Variants in NRXN3 observed in about 807,000 individuals in gnomAD.
The protein encoded by NRXN3 is neurexin III.
NRXN3 carries 32 observed loss-of-function variants against 137.6 expected under a neutral mutation model. That is an observed-to-expected ratio of 0.23 (90% CI 0.18 to 0.31). The LOEUF is 0.31. NRXN3 is among the 10% of genes least tolerant of loss of function. The probability of loss-of-function intolerance (pLI) is 1.00; values close to 1 mark genes in which losing one functional copy is unlikely to be tolerated. For synonymous variants in NRXN3, 798 were observed against 784.5 expected (o/e 1.02, Z -0.29); for missense variants, 1,574 against 2,062.5 (o/e 0.76, Z 4.59).
chr14:79,177,093 T>A (rs769840561), intron 15 of NRXN3, among the ~76,000 whole-genome samples: 34 of 152,182 alleles, frequency 2.2e-4, no homozygotes, highest in Non-Finnish European at 2.9e-5. Context: ...AAGGTGAGGA[T>A]GACTTATCTA....
At chr14:79,144,210 T>C (rs1033210259) in intron 15 of NRXN3, among the ~76,000 whole-genome samples, 1 of 152,180 alleles carries the variant, frequency 6.6e-6, no homozygotes, top group African/African-American at 2.4e-5. Flanking sequence ...TGTTGGCAAG[T>C]CTTTTCTACT....
At chr14:79,491,305 G>T (rs890692822) in intron 16 of NRXN3, among the ~76,000 whole-genome samples, 3 of 152,114 alleles carry the variant, frequency 2.0e-5, no homozygotes, top group African/African-American at 7.2e-5. Context: ...TACACAATCT[G>T]CTCAGTGAAT....
chr14:78,399,085 T>C (rs556012504), intron 4 of NRXN3, among the ~76,000 whole-genome samples: 2 of 152,318 alleles, frequency 1.3e-5, no homozygotes, highest in East Asian at 1.9e-4. Flanking sequence ...ATGGGGCTTT[T>C]TGTCACATTA....
At chr14:79,518,840 C>T (rs969981745) in intron 16 of NRXN3, among the ~76,000 whole-genome samples, 3 of 152,138 alleles carry the variant, frequency 2.0e-5, no homozygotes, top group Admixed American at 2.0e-4. Flanking sequence ...CAAACATATA[C>T]ATCCCTATGG....
chr14:79,090,728 C>G (rs2048999093), intron 15 of NRXN3, among the ~76,000 whole-genome samples: 1 of 152,092 alleles, frequency 6.6e-6, no homozygotes, highest in East Asian at 1.9e-4. Flanking sequence ...AGACTTTATT[C>G]CCCACACTAC....
intron 15 of NRXN3, among the ~76,000 whole-genome samples, chr14:79,119,158 T>C (rs2054989239): frequency 6.6e-6 from 1 of 152,212 alleles, no homozygotes; most frequent in African/African-American, 2.4e-5. Flanking sequence ...TTCAAATACC[T>C]TTTAAAATAC....
At chr14:78,457,065 C>T (rs1365148561) in intron 4 of NRXN3, among the ~76,000 whole-genome samples, 3 of 147,136 alleles carry the variant, frequency 2.0e-5, no homozygotes, top group African/African-American at 7.6e-5. Flanking sequence ...CCTCTTTCTC[C>T]TCCCACTCTG....
At chr14:78,280,360 AT>A (rs1464543939) in intron 3 of NRXN3, among the ~76,000 whole-genome samples, 2 of 152,168 alleles carry the variant, frequency 1.3e-5, no homozygotes, top group African/African-American at 4.8e-5. Context: ...CAGGGGGTGG[AT>A]GGGAAGTGCT....
chr14:78,568,396 C>T (rs2096856368), intron 4 of NRXN3, among the ~76,000 whole-genome samples: 1 of 152,192 alleles, frequency 6.6e-6, no homozygotes, highest in South Asian at 2.1e-4. Flanking sequence ...GCACCTTAAT[C>T]TTGGACTTCC....
chr14:79,342,690 G>A (rs1047070850), intron 15 of NRXN3, among the ~76,000 whole-genome samples: 1 of 152,156 alleles, frequency 6.6e-6, no homozygotes, highest in African/African-American at 2.4e-5. Flanking sequence ...AACTGTATTA[G>A]TTAGGATGCT....
At position 79,847,063 on chromosome 14, in the gene NRXN3, C is replaced by T. The variant is rs534505724; in HGVS notation, c.4094-14279C>T. On this transcript the variant is annotated intron_variant, in intron 20 of 20. Coordinates refer to ENST00000335750, the MANE Select transcript of NRXN3 (RefSeq NM_001330195.2). ...TATTTGTTACTATTGTGTTCAAAGA[C>T]TGTTAGCTACCAAATGAAGGTTTCA... Among the ~76,000 whole-genome samples the T allele has an allele frequency of 8.6e-4, 131 of 152,262 alleles. 1 individual carries two copies. Among genetic ancestry groups the T allele is most frequent in the African/African-American group, 3.0e-3 (126 of 41,548 alleles).
chr14:79,189,337 T>C (rs1188807953), intron 15 of NRXN3, among the ~76,000 whole-genome samples: 1 of 135,010 alleles, frequency 7.4e-6, no homozygotes, highest in Admixed American at 8.9e-5. Flanking sequence ...AATTGAACAA[T>C]GAGAACACAT....
At chr14:79,724,126 A>C (rs1279391782) in intron 19 of NRXN3, among the ~76,000 whole-genome samples, 1 of 152,168 alleles carries the variant, frequency 6.6e-6, no homozygotes, top group African/African-American at 2.4e-5. Flanking sequence ...GATACTTCAC[A>C]TGTACTCTTT....
chr14:78,250,255 C>T (rs906150254), intron 2 of NRXN3: 21 of 346,454 alleles, frequency 6.1e-5, no homozygotes, highest in African/African-American at 3.9e-4. Context: ...CATAAAAAAT[C>T]GTACATCATG....
At chr14:79,583,931 A>C (rs1444169238) in intron 16 of NRXN3, among the ~76,000 whole-genome samples, 1 of 152,200 alleles carries the variant, frequency 6.6e-6, no homozygotes, top group Non-Finnish European at 1.5e-5. Context: ...ATTTTGAGTA[A>C]TATCTGAAGT....
chr14:78,760,947 A>G (rs2098690437), intron 8 of NRXN3, among the ~76,000 whole-genome samples: 1 of 152,136 alleles, frequency 6.6e-6, no homozygotes, highest in South Asian at 2.1e-4. Flanking sequence ...TTGGCTTTTC[A>G]AGGTAGTAAT....
At chr14:78,694,166 A>G (rs1171464911) in intron 6 of NRXN3, among the ~76,000 whole-genome samples, 1 of 151,868 alleles carries the variant, frequency 6.6e-6, no homozygotes, top group Non-Finnish European at 1.5e-5. Context: ...CTTTTTAGAA[A>G]CCTTTATCAT....
chr14:79,506,873 T>A (rs1427776346), intron 16 of NRXN3, among the ~76,000 whole-genome samples: 1 of 152,028 alleles, frequency 6.6e-6, no homozygotes. Context: ...GAGGTGAAAA[T>A]ATGAGAGAAT....
At chr14:79,330,028 C>A (rs182804502) in intron 15 of NRXN3, among the ~76,000 whole-genome samples, 38 of 152,098 alleles carry the variant, frequency 2.5e-4, no homozygotes, top group African/African-American at 9.2e-4. Context: ...GATGGGGTTT[C>A]ATCATGTTGG....
Sources: gnomAD v4.1 joint callset for allele counts (sites outside exome capture counted in the v4.1 genomes callset) on GRCh38, gnomAD v4.1.1 for gene constraint, MANE v1.5 for transcripts, NCBI Gene and HGNC (gene_info 2026-07-23, HGNC 2026-07-21) for gene names.